MAML1: variants seen among roughly 807,000 people sequenced by gnomAD.
MAML1 encodes the protein mastermind like transcriptional coactivator 1.
A neutral mutation model predicts 77.1 loss-of-function variants in MAML1; 14 were observed. The ratio of observed to expected loss-of-function variants is 0.18; its 90% confidence interval spans 0.12 to 0.28. MAML1 has a LOEUF of 0.28. MAML1 is among the 10% of genes least tolerant of loss of function. MAML1 has a pLI of 1.00. For synonymous variants in MAML1, 516 were observed against 551.9 expected (o/e 0.93, Z 0.91); for missense variants, 1,217 against 1,327.8 (o/e 0.92, Z 1.30).
intron 1 of MAML1, among the ~76,000 whole-genome samples, chr5:179,764,382 C>T (rs144532603): frequency 1.3e-4 from 20 of 152,190 alleles, no homozygotes; most frequent in East Asian, 1.9e-4. Flanking sequence ...AGGGGCCGGC[C>T]GGGCGCAGTG....
intron 1 of MAML1, among the ~76,000 whole-genome samples, chr5:179,733,931 A>T (rs907836485): frequency 1.3e-5 from 2 of 152,196 alleles, no homozygotes; most frequent in Admixed American, 6.5e-5. Context: ...AAATCAAGAA[A>T]TTTTTGGAAA....
intron 1 of MAML1, among the ~76,000 whole-genome samples, chr5:179,736,944 G>A (rs1779181861): frequency 6.7e-6 from 1 of 148,584 alleles, no homozygotes; most frequent in South Asian, 2.1e-4. Context: ...CTGGGCAACA[G>A]AGGGAGACTC....
intron 1 of MAML1, among the ~76,000 whole-genome samples, chr5:179,747,808 C>CAGAA (rs765865003): frequency 7.3e-5 from 3 of 40,888 alleles, no homozygotes; most frequent in Admixed American, 4.5e-4. Flanking sequence ...GACTCCATCT[C>CAGAA]AAAAAAAAAA....
chr5:179,736,823 A>G (rs922604247), intron 1 of MAML1, among the ~76,000 whole-genome samples: 13 of 151,930 alleles, frequency 8.6e-5, no homozygotes, highest in African/African-American at 3.1e-4. Context: ...TTAGCTGGGC[A>G]TGTGGCGTGC....
chr5:179,746,463 C>G (rs1339250240), intron 1 of MAML1, among the ~76,000 whole-genome samples: 2 of 151,958 alleles, frequency 1.3e-5, no homozygotes, highest in African/African-American at 4.8e-5. Context: ...ACCTCTGCCT[C>G]CCAGGGTTCA....
intron 1 of MAML1, among the ~76,000 whole-genome samples, chr5:179,738,826 G>A (rs1332472192): frequency 6.6e-6 from 1 of 151,432 alleles, no homozygotes; most frequent in Non-Finnish European, 1.5e-5. Flanking sequence ...TGTTGCCTAG[G>A]CTGGAGTGCA....
At chr5:179,773,227 G>T (rs1455779914) in intron 4 of MAML1, among the ~76,000 whole-genome samples, 1 of 152,128 alleles carries the variant, frequency 6.6e-6, no homozygotes, top group East Asian at 1.9e-4. Context: ...TCCCTATCTG[G>T]CCGGAACTAG....
chr5:179,762,084 G>A lies in MAML1; in HGVS notation c.316-3242G>A, dbSNP rs77681405. Among the ~76,000 whole-genome samples the A allele has an allele frequency of 5.7e-4, 87 of 152,314 alleles. 1 individual carries two copies. In the East Asian group the frequency reaches 0.013, roughly 22 times the overall value. ...TAAGGAGCACTCATGAAAGAACCAC[G>A]CGTGTCTTCAGCAGCTGTGTCTGTC... On this transcript the variant is annotated intron_variant, in intron 1 of 4. Coordinates refer to ENST00000292599, the MANE Select transcript of MAML1 (RefSeq NM_014757.5).
At chr5:179,738,552 C>G (rs1028117027) in intron 1 of MAML1, among the ~76,000 whole-genome samples, 1 of 152,110 alleles carries the variant, frequency 6.6e-6, no homozygotes. Flanking sequence ...CCCTTCCCAA[C>G]TGAGTCTTTC....
At chr5:179,740,530 C>A (rs1328563225) in intron 1 of MAML1, among the ~76,000 whole-genome samples, 2 of 152,210 alleles carry the variant, frequency 1.3e-5, no homozygotes, top group East Asian at 3.9e-4. Context: ...CCCATCTCGG[C>A]CTCCTAAAGT....
At chr5:179,764,168 G>A (rs985832713) in intron 1 of MAML1, among the ~76,000 whole-genome samples, 9 of 152,134 alleles carry the variant, frequency 5.9e-5, no homozygotes, top group African/African-American at 2.2e-4. Context: ...AGCCCTGTCT[G>A]TGTATGTCCC....
In MAML1 at chr5:179,747,372, G is replaced by A. The variant is rs542362998; in HGVS notation, c.315+13945G>A. 2.0e-5 allele frequency among the ~76,000 whole-genome samples: 3 copies of A among 152,308 alleles called. No individual in the cohort carries two copies. The East Asian group carries it at 5.8e-4, about 29-fold the overall frequency. ...CAGTTGGGAAGTGGAGTTGGTAGAG[G>A]TAAGGCAGGAGGTCCTGATTTGCAC... is the stretch of plus-strand genomic sequence containing the variant. On this transcript the variant is annotated intron_variant, in intron 1 of 4. Coordinates refer to ENST00000292599, the MANE Select transcript of MAML1 (RefSeq NM_014757.5).
chr5:179,759,236 A>G (rs6887507), intron 1 of MAML1, among the ~76,000 whole-genome samples: 43,248 of 152,004 alleles, frequency 0.28, 6,501 homozygotes, highest in Non-Finnish European at 0.34. Flanking sequence ...TGACAAAGGG[A>G]GTCTGTCGGC....
intron 1 of MAML1, among the ~76,000 whole-genome samples, chr5:179,747,193 A>T: frequency 6.6e-6 from 1 of 152,318 alleles, no homozygotes; most frequent in East Asian, 1.9e-4. Context: ...GCTGTTCTGT[A>T]TTAGACTATG....
chr5:179,775,040 G>A lies in MAML1; in HGVS notation c.*163G>A. On this transcript the variant is annotated 3_prime_UTR_variant, in exon 5 of 5. Coordinates refer to ENST00000292599, the MANE Select transcript of MAML1 (RefSeq NM_014757.5). Reference sequence around the variant, plus strand: ...CTGGCCCTGGGCAGGGTCTGTGGCTGCGCCCCTCAGGCCAGCAGTTGAGGT... The same window carrying A: ...CTGGCCCTGGGCAGGGTCTGTGGCTACGCCCCTCAGGCCAGCAGTTGAGGT... The A allele has an allele frequency of 7.0e-7, 1 of 1,428,462 alleles. No individual in the cohort carries two copies. Among genetic ancestry groups the A allele is most frequent in the Non-Finnish European group, 9.1e-7 (1 of 1,096,782 alleles). The allele number at this position is 1,428,462 out of a possible 1,614,324, so 88.5% of individuals were successfully genotyped here.
chr5:179,774,442 C>A lies in MAML1; in HGVS notation c.2616C>A (p.Ala872=). ...AASSFHMQQQ[A]HLKMSSPQFS... ...CCAGTTTCCACATGCAGCAGCAGGC[C>A]CACCTGAAAATGTCTAGCCCGCAAT... Residue 872 remains alanine, a synonymous_variant, in exon 5 of 5, where the codon GCC becomes GCA. Coordinates refer to ENST00000292599, the MANE Select transcript of MAML1 (RefSeq NM_014757.5). The A allele has an allele frequency of 3.7e-6, 6 of 1,613,318 alleles. No homozygotes were observed. The highest frequency in any genetic ancestry group is 1.3e-5 in the African/African-American group (1 of 75,076).
chr5:179,746,328 G>A (rs562422802), intron 1 of MAML1, among the ~76,000 whole-genome samples: 2 of 152,218 alleles, frequency 1.3e-5, no homozygotes, highest in African/African-American at 4.8e-5. Context: ...CCTGGCGGCA[G>A]AGCGAGACTC....
intron 1 of MAML1, among the ~76,000 whole-genome samples, chr5:179,757,159 T>G (rs993900833): frequency 6.6e-6 from 1 of 152,138 alleles, no homozygotes; most frequent in Non-Finnish European, 1.5e-5. Flanking sequence ...TTACTGTTAA[T>G]TTATATACAG....
rs1029488258 is a variant in MAML1, at chr5:179,775,939, G to A, written c.*1062G>A. 6.1e-6 allele frequency: 6 copies of A among 985,626 alleles called. No individual in the cohort carries two copies. Among genetic ancestry groups the A allele is most frequent in the African/African-American group, 3.5e-5 (2 of 57,248 alleles). The allele number at this position is 985,626 out of a possible 1,614,324, so 61.1% of individuals were successfully genotyped here. A position where few individuals can be genotyped will look rare whatever the true frequency, so the allele number is the denominator to read the frequency against. Reference sequence around the variant, plus strand: ...GTTTTGGGGAAGGAGGCCGTAGGCCGGCCCGGAGGAAGCAATTCCACTTGG... The same window carrying A: ...GTTTTGGGGAAGGAGGCCGTAGGCCAGCCCGGAGGAAGCAATTCCACTTGG... On this transcript the variant is annotated 3_prime_UTR_variant, in exon 5 of 5. Coordinates refer to ENST00000292599, the MANE Select transcript of MAML1 (RefSeq NM_014757.5).
Sources: allele counts gnomAD v4.1 joint callset (sites outside exome capture counted in the v4.1 genomes callset), GRCh38; gene constraint gnomAD v4.1.1; transcripts MANE v1.5; gene names NCBI Gene and HGNC (gene_info 2026-07-23, HGNC 2026-07-21).